Variants in FGF12 observed in about 807,000 individuals in gnomAD.
FGF12 encodes fibroblast growth factor 12B.
FGF12 carries 14 observed loss-of-function variants against 23.6 expected under a neutral mutation model. The ratio of observed to expected loss-of-function variants is 0.59; its 90% CI spans 0.39 to 0.93. The LOEUF (loss-of-function observed/expected upper bound fraction) is 0.93. FGF12 is among the 40% of genes least tolerant of loss of function. FGF12 has a pLI of 0.00. For synonymous variants in FGF12, 62 were observed against 77.3 expected (o/e 0.80, Z 1.04); for missense variants, 175 against 217.8 (o/e 0.80, Z 1.24).
intron 2 of FGF12, among the ~76,000 whole-genome samples, chr3:192,422,243 C>G (rs1270155493): frequency 6.6e-6 from 1 of 152,108 alleles, no homozygotes; most frequent in African/African-American, 2.4e-5. Flanking sequence ...GTTACTTACT[C>G]AGTACGGAAC....
chr3:192,426,740 G>C (rs1354613479), intron 2 of FGF12, among the ~76,000 whole-genome samples: 1 of 152,168 alleles, frequency 6.6e-6, no homozygotes, highest in Non-Finnish European at 1.5e-5. Context: ...TTTATCCTTA[G>C]CTATGTTTGA....
At chr3:192,195,483 G>A (rs955306811) in intron 4 of FGF12, among the ~76,000 whole-genome samples, 19 of 152,114 alleles carry the variant, frequency 1.2e-4, no homozygotes, top group African/African-American at 3.9e-4. Context: ...AACACTTACC[G>A]TTATTTACAA....
At chr3:192,661,824 A>C (rs62294780) in intron 2 of FGF12, among the ~76,000 whole-genome samples, 3,507 of 152,328 alleles carry the variant, frequency 0.023, 48 homozygotes, top group Middle Eastern at 0.068. Flanking sequence ...AACCAATGAG[A>C]GCCAGACCTG....
intron 2 of FGF12, among the ~76,000 whole-genome samples, chr3:192,561,907 TAAAGAAAAA>T (rs1236557567): frequency 2.9e-4 from 41 of 139,422 alleles, no homozygotes; most frequent in South Asian, 9.0e-4. Context: ...ATAATAATAA[TAAAGAAAAA>T]AAGAAAGAAA....
intron 2 of FGF12, among the ~76,000 whole-genome samples, chr3:192,679,414 A>T: frequency 6.6e-6 from 1 of 152,152 alleles, no homozygotes; most frequent in East Asian, 1.9e-4. Context: ...CCTGGACAAG[A>T]TGGCAAAAGC....
chr3:192,693,494 C>T (rs1375671412), intron 2 of FGF12, among the ~76,000 whole-genome samples: 2 of 152,052 alleles, frequency 1.3e-5, no homozygotes, highest in African/African-American at 4.8e-5. Context: ...TTGGAGGCAT[C>T]ACACTTCCCG....
intron 2 of FGF12, among the ~76,000 whole-genome samples, chr3:192,528,838 T>C (rs1264132910): frequency 6.6e-6 from 1 of 152,106 alleles, no homozygotes; most frequent in East Asian, 1.9e-4. Flanking sequence ...ATTGGCCCCT[T>C]TCAGACACAG....
In FGF12 at chr3:192,399,712, G is replaced by A. The variant is rs141476556; in HGVS notation, c.14-39174C>T. ...GCATTAGTACGTTTAAAAACTCTCAGGTGATTTCATTTTGCAGCTAGGGCT... is the reference window on the plus strand; with the variant it reads ...GCATTAGTACGTTTAAAAACTCTCAAGTGATTTCATTTTGCAGCTAGGGCT... On this transcript the variant is annotated intron_variant, in intron 2 of 5. Coordinates refer to ENST00000445105, the MANE Select transcript of FGF12 (RefSeq NM_004113.6). Among the ~76,000 whole-genome samples, 380 of 152,278 alleles carry A rather than the reference G, an allele frequency of 2.5e-3. 1 individual carries two copies. Among genetic ancestry groups the A allele is most frequent in the African/African-American group, 8.7e-3 (361 of 41,552 alleles).
At chr3:192,583,660 C>A (rs1713254657) in intron 2 of FGF12, among the ~76,000 whole-genome samples, 1 of 152,154 alleles carries the variant, frequency 6.6e-6, no homozygotes, top group Non-Finnish European at 1.5e-5. Context: ...AATTGAAGAG[C>A]AACGTCACAG....
At position 192,139,958 on chromosome 3, in the gene FGF12, A is replaced by G. The variant is rs1427879492; in HGVS notation, c.*4051T>C. 2.6e-5 allele frequency: 4 copies of G among 152,048 alleles called. No homozygotes were observed. The highest frequency in any genetic ancestry group is 4.4e-5 in the Non-Finnish European group (3 of 67,920). 9.4% of individuals were successfully genotyped at this position (152,048 alleles called of 1,614,324 possible). A position where few individuals can be genotyped will look rare whatever the true frequency, so the allele number is the denominator to read the frequency against. On this transcript the variant is annotated 3_prime_UTR_variant, in exon 6 of 6. Transcript: ENST00000445105. Reference sequence around the variant, plus strand: ...TTCTAAGATAACTTTTTGTAACTAAAAAATAATTTCCTGTGCATCACAAGG... The same window carrying G: ...TTCTAAGATAACTTTTTGTAACTAAGAAATAATTTCCTGTGCATCACAAGG...
intron 2 of FGF12, among the ~76,000 whole-genome samples, chr3:192,462,074 T>C (rs535031903): frequency 6.0e-4 from 91 of 152,194 alleles, no homozygotes; most frequent in Non-Finnish European, 1.1e-3. Context: ...GCTTGTTTCA[T>C]TTTGAAATTT....
intron 2 of FGF12, among the ~76,000 whole-genome samples, chr3:192,476,020 A>G (rs1397504443): frequency 6.6e-6 from 1 of 152,178 alleles, no homozygotes; most frequent in African/African-American, 2.4e-5. Flanking sequence ...AAAGAATGTA[A>G]CAATCTATGA....
Position 192,300,307 on chromosome 3 carries a change from A to G in FGF12, c.228+35054T>C, listed in dbSNP as rs1280540525. 2.0e-5 allele frequency among the ~76,000 whole-genome samples: 3 copies of G among 152,196 alleles called. No individual in the cohort carries two copies. In the East Asian group the frequency reaches 5.8e-4, roughly 29 times the overall value. ...AAATGATGGTGCAACTGACTTTAAA[A>G]CCAATTTGGATATTTGCTGGACATA... On this transcript the variant is annotated intron_variant, in intron 4 of 5. Transcript: ENST00000445105.
chr3:192,536,173 G>A (rs1214166769), intron 2 of FGF12, among the ~76,000 whole-genome samples: 1 of 152,084 alleles, frequency 6.6e-6, no homozygotes, highest in Non-Finnish European at 1.5e-5. Flanking sequence ...AGTTCCATTG[G>A]AACACAGCCA....
chr3:192,443,029 G>A (rs1722248108), intron 2 of FGF12, among the ~76,000 whole-genome samples: 2 of 152,114 alleles, frequency 1.3e-5, no homozygotes, highest in Middle Eastern at 3.4e-3. Context: ...GGCTGGTCTT[G>A]AACTCCTGAC....
chr3:192,146,270 A>ATTTTTTTT lies in FGF12; in HGVS notation c.428-2144_428-2143insAAAAAAAA, dbSNP rs879200159. Among the ~76,000 whole-genome samples the ATTTTTTTT allele has an allele frequency of 4.3e-5, 4 of 92,232 alleles. 1 individual carries two copies. The highest frequency in any genetic ancestry group is 5.2e-5 in the Non-Finnish European group (2 of 38,502). 60.5% of individuals were successfully genotyped at this position (92,232 alleles called of 152,430 possible). ...AATTTTCTAATTTTCATTAAAGTGT[A>ATTTTTTTT]TATTTTTTTTTTTTTTTTGAGACGG... On this transcript the variant is annotated intron_variant, in intron 5 of 5. Transcript: ENST00000445105.
chr3:192,366,368 T>G (rs886634638), intron 2 of FGF12, among the ~76,000 whole-genome samples: 1 of 152,114 alleles, frequency 6.6e-6, no homozygotes, highest in East Asian at 1.9e-4. Flanking sequence ...GCATATAAAC[T>G]CCAATCTAAA....
chr3:192,322,280 C>T (rs1290807419), intron 4 of FGF12, among the ~76,000 whole-genome samples: 2 of 151,788 alleles, frequency 1.3e-5, no homozygotes, highest in African/African-American at 4.8e-5. Flanking sequence ...AAGAACTCTA[C>T]AATAAAAACT....
chr3:192,636,130 C>A (rs1246910594), intron 2 of FGF12, among the ~76,000 whole-genome samples: 1 of 152,098 alleles, frequency 6.6e-6, no homozygotes, highest in Non-Finnish European at 1.5e-5. Context: ...TGTACTGAGA[C>A]CTTTCTGCTC....
Sources: allele counts gnomAD v4.1 joint callset (sites outside exome capture counted in the v4.1 genomes callset), GRCh38; gene constraint gnomAD v4.1.1; transcripts MANE v1.5; gene names NCBI Gene and HGNC (gene_info 2026-07-23, HGNC 2026-07-21).